CNIH4: variants seen among roughly 807,000 people sequenced by gnomAD.
CNIH4 encodes the protein protein cornichon homolog 4.
In CNIH4, 9 loss-of-function variants were observed where a neutral mutation model predicts 21.5. The observed-to-expected ratio is 0.42, with a 90% CI of 0.25 to 0.73. The LOEUF is 0.73. Among genes scored for constraint, CNIH4 ranks in the 30% least tolerant of loss-of-function variants. The probability of loss-of-function intolerance (pLI) is 0.27; values close to 1 mark genes in which losing one functional copy is unlikely to be tolerated. For missense variants in CNIH4, 159 were observed against 170.0 expected, an observed-to-expected ratio of 0.94 and a Z score of 0.36; for synonymous variants, 67 against 59.1, an observed-to-expected ratio of 1.13 and a Z score of -0.61.
At chr1:224,368,498 A>G (rs938106530) in intron 3 of CNIH4, among the ~76,000 whole-genome samples, 1 of 152,182 alleles carries the variant, frequency 6.6e-6, no homozygotes, top group Non-Finnish European at 1.5e-5. Flanking sequence ...CAGATAGATT[A>G]TTTGCTATTT....
At position 224,356,888 on chromosome 1, in the gene CNIH4, G is replaced by C; in HGVS notation, c.-37G>C. On this transcript the variant is annotated 5_prime_UTR_variant, in exon 1 of 5. Coordinates refer to ENST00000465271, the MANE Select transcript of CNIH4 (RefSeq NM_014184.4). ...AGGGGTGGGTCGGGGCATCCGAGCG[G>C]GTTTGACGGAAGGAGCGGCGGCGAC... The C allele has an allele frequency of 1.0e-5, 16 of 1,570,328 alleles. No individual in the cohort carries two copies. Among genetic ancestry groups the C allele is most frequent in the Non-Finnish European group, 1.4e-5 (16 of 1,151,450 alleles).
intron 2 of CNIH4, among the ~76,000 whole-genome samples, chr1:224,361,091 G>A (rs999962203): frequency 7.9e-5 from 12 of 151,330 alleles, no homozygotes; most frequent in Non-Finnish European, 4.4e-5. Flanking sequence ...GGGACTACAG[G>A]CGCATGCCAC....
intron 3 of CNIH4, among the ~76,000 whole-genome samples, chr1:224,370,875 C>CTTTTT (rs34962459): frequency 7.4e-6 from 1 of 135,192 alleles, no homozygotes; most frequent in Non-Finnish European, 1.6e-5. Flanking sequence ...GATTGGCTCA[C>CTTTTT]TTTTTTTTTT....
intron 2 of CNIH4, among the ~76,000 whole-genome samples, chr1:224,361,364 T>C (rs1272426922): frequency 1.3e-5 from 2 of 152,004 alleles, no homozygotes; most frequent in Admixed American, 1.3e-4. Flanking sequence ...GTGATTCGCC[T>C]GCCTCAGCCT....
chr1:224,371,988 G>T (rs1672644910), intron 4 of CNIH4, among the ~76,000 whole-genome samples: 2 of 152,084 alleles, frequency 1.3e-5, no homozygotes, highest in African/African-American at 4.8e-5. Context: ...GAGTTCCACT[G>T]CCTGTTATAA....
rs192084025 is a variant in CNIH4 at position 224,373,696 on chromosome 1, C to T, written c.393-2099C>T. On this transcript the variant is annotated intron_variant, in intron 4 of 4. Transcript: ENST00000465271. ...TACAAAAATTGGCCAGGTGTGGTGG[C>T]GGGCGCCTGTAATCCCAGCTACTCG... Among the ~76,000 whole-genome samples, 942 of 151,942 alleles carry T rather than the reference C, an allele frequency of 6.2e-3. 25 individuals are homozygous for T. Among genetic ancestry groups the T allele is most frequent in the Admixed American group, 0.039 (603 of 15,266 alleles).
chr1:224,364,120 T>C (rs762565146), intron 2 of CNIH4: 219 of 984,994 alleles, frequency 2.2e-4, no homozygotes, highest in Middle Eastern at 5.2e-4. Flanking sequence ...CCAGTTGCAG[T>C]GGCTGACACC....
At position 224,375,945 on chromosome 1, in the gene CNIH4, A is replaced by T; in HGVS notation, c.*123A>T. 7.3e-7 allele frequency: 1 copy of T among 1,375,036 alleles called. No individual in the cohort carries two copies. Among genetic ancestry groups the T allele is most frequent in the Non-Finnish European group, 9.5e-7 (1 of 1,056,102 alleles). 85.2% of individuals were successfully genotyped at this position (1,375,036 alleles called of 1,614,324 possible). A position where few individuals can be genotyped will look rare whatever the true frequency, so the allele number is the denominator to read the frequency against. Reference sequence around the variant, plus strand: ...TATATATTTTCCTCTTGGAACAAAAAACTATTTTTGCTGTATTTTTACCAT... The same window carrying T: ...TATATATTTTCCTCTTGGAACAAAATACTATTTTTGCTGTATTTTTACCAT... On this transcript the variant is annotated 3_prime_UTR_variant, in exon 5 of 5. Transcript: ENST00000465271.
At chr1:224,364,660 C>T (rs934141753) in intron 2 of CNIH4, among the ~76,000 whole-genome samples, 26 of 152,080 alleles carry the variant, frequency 1.7e-4, no homozygotes, top group Admixed American at 1.5e-3. Flanking sequence ...GCCGGCAGGG[C>T]GCAGTGGCTC....
chr1:224,357,672 C>T (rs1029947157), intron 1 of CNIH4: 2 of 152,138 alleles, frequency 1.3e-5, no homozygotes, highest in African/African-American at 4.8e-5. Context: ...TTTGGTTGTC[C>T]CCGGTGGTTG....
At chr1:224,357,100 G>C in intron 1 of CNIH4, 107 bp downstream of exon 1, 1 of 1,306,864 alleles carries the variant, frequency 7.7e-7, no homozygotes, top group Non-Finnish European at 1.1e-6. Flanking sequence ...CCCGGCGGCG[G>C]GCGTGGGCTC....
chr1:224,357,082 G>A (rs1461775554), intron 1 of CNIH4, 89 bp downstream of exon 1: 12 of 1,462,268 alleles, frequency 8.2e-6, no homozygotes, highest in Non-Finnish European at 1.1e-5. Flanking sequence ...TGTGGGACTA[G>A]GGAGGCGCCC....
intron 1 of CNIH4, among the ~76,000 whole-genome samples, chr1:224,358,582 A>ATT (rs138005081): frequency 1.3e-5 from 2 of 151,720 alleles, no homozygotes; most frequent in East Asian, 1.9e-4. Context: ...TTTTTTGGTG[A>ATT]TTTTTTTTTA....
intron 2 of CNIH4, among the ~76,000 whole-genome samples, chr1:224,365,030 C>T (rs569759586): frequency 1.3e-5 from 2 of 152,190 alleles, no homozygotes; most frequent in Admixed American, 1.3e-4. Context: ...TGCAAGAGGT[C>T]TGAGGTCATT....
In CNIH4 at chr1:224,375,909, G is replaced by T; in HGVS notation, c.*87G>T. ...CTTCTTAAATCATCCTTAGAACCGT[G>T]ACCATAGCAGTATATATTTTCCTCT... On this transcript the variant is annotated 3_prime_UTR_variant, in exon 5 of 5. Transcript: ENST00000465271. 2 of 1,527,704 alleles carry T rather than the reference G, an allele frequency of 1.3e-6. No individual in the cohort carries two copies. The highest frequency in any genetic ancestry group is 2.7e-5 in the South Asian group (2 of 75,196). The allele number at this position is 1,527,704 out of a possible 1,614,324, so 94.6% of individuals were successfully genotyped here. A position where few individuals can be genotyped will look rare whatever the true frequency, so the allele number is the denominator to read the frequency against.
rs977507127 is a variant in CNIH4, at chr1:224,364,368, T to C, written c.139-1511T>C. 1.5e-5 allele frequency: 15 copies of C among 985,326 alleles called. No homozygotes were observed. The Admixed American group carries it at 4.9e-4, about 32-fold the overall frequency. The allele number at this position is 985,326 out of a possible 1,614,324, so 61.0% of individuals were successfully genotyped here. A position where few individuals can be genotyped will look rare whatever the true frequency, so the allele number is the denominator to read the frequency against. On this transcript the variant is annotated intron_variant, in intron 2 of 4. Transcript: ENST00000465271. Reference sequence around the variant, plus strand: ...TCTGATATGGATCGCAGAGTATTAGTATAACATCAGCTGACATTTTATTGA... The same window carrying C: ...TCTGATATGGATCGCAGAGTATTAGCATAACATCAGCTGACATTTTATTGA...
At chr1:224,358,622 A>G (rs1672185197) in intron 1 of CNIH4, among the ~76,000 whole-genome samples, 1 of 152,054 alleles carries the variant, frequency 6.6e-6, no homozygotes, top group Non-Finnish European at 1.5e-5. Context: ...GTATTAGTGT[A>G]TTTTATGTGT....
chr1:224,356,999 C>T lies in CNIH4; in HGVS notation c.69+6C>T. 6.2e-7 allele frequency: 1 copy of T among 1,609,964 alleles called. No individual in the cohort carries two copies. The highest frequency in any genetic ancestry group is 8.5e-7 in the Non-Finnish European group (1 of 1,178,214). On this transcript the variant is annotated splice_donor_region_variant and intron_variant, in intron 1 of 4. Coordinates refer to ENST00000465271, the MANE Select transcript of CNIH4 (RefSeq NM_014184.4). ...TCTTCCTCTCGGTCTACTTCGTATC[C>T]TTGCCTGAGGCAGGCGAACGCCTTG...
rs770754845 is a variant in CNIH4 at position 224,371,382 on chromosome 1, G to A, written c.351G>A (p.Lys117=). ...CACACATGAAAGAAGCCATGATCAAGCTTGGTTTCCACTTGCTCTGCTTCT... is the reference window on the plus strand; with the variant it reads ...CACACATGAAAGAAGCCATGATCAAACTTGGTTTCCACTTGCTCTGCTTCT... ...LKSHMKEAMI[K]LGFHLLCFFM... Residue 117 remains lysine (K), a synonymous_variant, in exon 4 of 5, where the codon AAG becomes AAA. Coordinates refer to ENST00000465271, the MANE Select transcript of CNIH4 (RefSeq NM_014184.4). 3 of 1,614,136 alleles carry A rather than the reference G, an allele frequency of 1.9e-6. No homozygotes were observed. The South Asian group carries it at 3.3e-5, about 18-fold the overall frequency.
Sources: allele counts gnomAD v4.1 joint callset (sites outside exome capture counted in the v4.1 genomes callset), GRCh38; gene constraint gnomAD v4.1.1; transcripts MANE v1.5; gene names NCBI Gene and HGNC (gene_info 2026-07-23, HGNC 2026-07-21).